The following PIEZO2 variants were observed in gnomAD, a reference collection of about 807,000 sequenced individuals.
PIEZO2 encodes the protein piezo type mechanosensitive ion channel component 2, also known as piezo-type mechanosensitive ion channel component 2.
Under a neutral mutation model 337.3 loss-of-function variants are expected in PIEZO2, and 172 were observed. The observed-to-expected ratio is 0.51, with a 90% CI of 0.45 to 0.58. The LOEUF is 0.58. Among genes scored for constraint, PIEZO2 ranks in the 20% least tolerant of loss-of-function variants. PIEZO2 has a pLI of 0.00. For synonymous variants in PIEZO2, 1,251 were observed against 1,228.5 expected, an observed-to-expected ratio of 1.02 and a Z score of -0.38; for missense variants, 3,028 against 3,391.3, an observed-to-expected ratio of 0.89 and a Z score of 2.66.
chr18:10,676,788 G>A lies in PIEZO2; in HGVS notation c.8081+959C>T, dbSNP rs1360479597. ...AGCCCCACCTCTTTCCACTGAGGGT[G>A]AACGAGTGAAGTGGGTACCCACGAT... is the stretch of plus-strand genomic sequence containing the variant. On this transcript the variant is annotated intron_variant, in intron 53 of 55. Coordinates refer to ENST00000674853, the MANE Select transcript of PIEZO2 (RefSeq NM_001378183.1). The surrounding 1 kb of genome is among the most constrained non-coding windows in gnomAD (Gnocchi z 5.1). Among the ~76,000 whole-genome samples, 1 of 152,264 alleles carries A rather than the reference G, an allele frequency of 6.6e-6. No homozygotes were observed. Among genetic ancestry groups the A allele is most frequent in the Non-Finnish European group, 1.5e-5 (1 of 68,052 alleles).
chr18:10,961,140 C>T (rs996198992), intron 3 of PIEZO2, among the ~76,000 whole-genome samples: 4 of 150,036 alleles, frequency 2.7e-5, no homozygotes, highest in African/African-American at 9.8e-5. Context: ...AAGATCGTGC[C>T]ATTGCACTCC....
chr18:10,809,337 C>T (rs2144347954), intron 7 of PIEZO2, among the ~76,000 whole-genome samples: 1 of 128,236 alleles, frequency 7.8e-6, no homozygotes, highest in South Asian at 2.7e-4. Context: ...GTGGCGCAAT[C>T]TCGGCTCACT....
At chr18:11,087,165 G>C (rs1253675827) in intron 1 of PIEZO2, among the ~76,000 whole-genome samples, 1 of 152,172 alleles carries the variant, frequency 6.6e-6, no homozygotes, top group Non-Finnish European at 1.5e-5. Context: ...CCAGGAAATG[G>C]ACTCTCACCA....
intron 1 of PIEZO2, among the ~76,000 whole-genome samples, chr18:11,081,980 G>A (rs1215396722): frequency 2.0e-5 from 3 of 151,980 alleles, no homozygotes; most frequent in African/African-American, 7.2e-5. Flanking sequence ...GGCTGATCTC[G>A]AGCTCCTGAC....
At chr18:10,992,077 G>C (rs942711849) in intron 2 of PIEZO2, among the ~76,000 whole-genome samples, 2 of 152,066 alleles carry the variant, frequency 1.3e-5, no homozygotes, top group Non-Finnish European at 2.9e-5. Flanking sequence ...TGATGGTGTT[G>C]TTTGTTTTTT....
intron 7 of PIEZO2, among the ~76,000 whole-genome samples, chr18:10,841,251 G>C (rs1405309600): frequency 1.3e-5 from 2 of 150,758 alleles, no homozygotes; most frequent in Non-Finnish European, 3.0e-5. Context: ...TGAGGGGTGA[G>C]AGAAAAACAA....
chr18:11,061,168 C>G (rs1306814395), intron 2 of PIEZO2, among the ~76,000 whole-genome samples: 1 of 152,152 alleles, frequency 6.6e-6, no homozygotes, highest in Non-Finnish European at 1.5e-5. Flanking sequence ...ATGATTATCT[C>G]AATAGATGCA....
intron 7 of PIEZO2, among the ~76,000 whole-genome samples, chr18:10,827,592 C>T (rs2040714339): frequency 1.3e-5 from 2 of 152,176 alleles, no homozygotes; most frequent in Non-Finnish European, 1.5e-5. Flanking sequence ...CAACAGACAA[C>T]TCACCAGGCT....
chr18:10,898,880 A>G (rs2042973663), intron 4 of PIEZO2, among the ~76,000 whole-genome samples: 1 of 152,198 alleles, frequency 6.6e-6, no homozygotes, highest in African/African-American at 2.4e-5. Context: ...AGCAATGCCA[A>G]GATGGGGTTG....
intron 1 of PIEZO2, among the ~76,000 whole-genome samples, chr18:11,139,283 C>T (rs997446890): frequency 1.3e-5 from 2 of 152,104 alleles, no homozygotes; most frequent in Non-Finnish European, 2.9e-5. Flanking sequence ...AATAATCTGG[C>T]GTTAGACCTG....
At chr18:10,694,468 G>A (rs1033920869) in intron 47 of PIEZO2, among the ~76,000 whole-genome samples, 5 of 152,118 alleles carry the variant, frequency 3.3e-5, no homozygotes, top group African/African-American at 1.2e-4. Flanking sequence ...ATGACTCAGA[G>A]GTGTGATCAA....
At chr18:11,117,610 C>T (rs149621652) in intron 1 of PIEZO2, among the ~76,000 whole-genome samples, 30 of 152,334 alleles carry the variant, frequency 2.0e-4, no homozygotes, top group African/African-American at 7.2e-4. Flanking sequence ...ATCAGTAAAT[C>T]CTAGTTTCCA....
At position 10,856,858 on chromosome 18, in the gene PIEZO2, G is replaced by A. The variant is rs1383522175; in HGVS notation, c.703+143C>T. 11 of 773,200 alleles carry A rather than the reference G, an allele frequency of 1.4e-5. No homozygotes were observed. Among genetic ancestry groups the A allele is most frequent in the Non-Finnish European group, 1.8e-5 (9 of 490,120 alleles). The allele number at this position is 773,200 out of a possible 1,614,324, so 47.9% of individuals were successfully genotyped here. ...ATTATTTTGTGTGGTTTGTACATGT[G>A]GCCAGTTTTACAAGAGCTACAGTTA... On this transcript the variant is annotated intron_variant, in intron 6 of 55. Transcript: ENST00000674853. The surrounding 1 kb of genome is among the most constrained non-coding windows in gnomAD (Gnocchi z 4.7).
chr18:11,023,084 C>T (rs1350435746), intron 2 of PIEZO2, among the ~76,000 whole-genome samples: 1 of 152,092 alleles, frequency 6.6e-6, no homozygotes, highest in Non-Finnish European at 1.5e-5. Flanking sequence ...AGTGTTACAG[C>T]TCATAAAGTC....
At chr18:10,705,232 A>T in intron 41 of PIEZO2, 104 bp downstream of exon 41, 1 of 1,362,564 alleles carries the variant, frequency 7.3e-7, no homozygotes, top group African/African-American at 1.5e-5. Flanking sequence ...AAGTGTCCAG[A>T]TGAACTTTTT....
intron 3 of PIEZO2, among the ~76,000 whole-genome samples, chr18:10,924,174 T>C (rs907126044): frequency 6.6e-6 from 1 of 152,212 alleles, no homozygotes; most frequent in African/African-American, 2.4e-5. Flanking sequence ...ATACACACTC[T>C]GAAGCAAAAG....
chr18:10,691,590 G>T (rs1161622888), intron 47 of PIEZO2, among the ~76,000 whole-genome samples: 1 of 151,560 alleles, frequency 6.6e-6, no homozygotes, highest in East Asian at 1.9e-4. Context: ...TCCTGTGAAT[G>T]GTGCCTCCAA....
rs1396508760 is a variant in PIEZO2 at position 10,856,892 on chromosome 18, A to C, written c.703+109T>G. 7 of 993,128 alleles carry C rather than the reference A, an allele frequency of 7.0e-6. No individual in the cohort carries two copies. The highest frequency in any genetic ancestry group is 1.0e-5 in the Non-Finnish European group (7 of 673,508). 61.5% of individuals were successfully genotyped at this position (993,128 alleles called of 1,614,324 possible). A position where few individuals can be genotyped will look rare whatever the true frequency, so the allele number is the denominator to read the frequency against. Reference sequence around the variant, plus strand: ...TACAAGAGCTACAGTTATGATATTCATGTGGTGGAACAGACTGTTTCCTTC... The same window carrying C: ...TACAAGAGCTACAGTTATGATATTCCTGTGGTGGAACAGACTGTTTCCTTC... On this transcript the variant is annotated intron_variant, in intron 6 of 55. Coordinates refer to ENST00000674853, the MANE Select transcript of PIEZO2 (RefSeq NM_001378183.1). The surrounding 1 kb of genome is among the most constrained non-coding windows in gnomAD (Gnocchi z 4.7).
chr18:10,841,217 T>C (rs1472997027), intron 7 of PIEZO2, among the ~76,000 whole-genome samples: 1 of 152,166 alleles, frequency 6.6e-6, no homozygotes, highest in African/African-American at 2.4e-5. Context: ...ATCTTTGAGA[T>C]ATATCAGAGT....
Sources: gnomAD v4.1 joint callset for allele counts (sites outside exome capture counted in the v4.1 genomes callset) on GRCh38, gnomAD v4.1.1 for gene constraint, Gnocchi (gnomAD v3.1) non-coding constraint, MANE v1.5 for transcripts, NCBI Gene and HGNC (gene_info 2026-07-23, HGNC 2026-07-21) for gene names.